The following ZMYND11 variants were observed in gnomAD, a reference collection of about 807,000 sequenced individuals.
ZMYND11 encodes the protein zinc finger MYND-type containing 11, also known as zinc finger MYND domain-containing protein 11.
Under a neutral mutation model 84.9 loss-of-function variants are expected in ZMYND11, and 9 were observed. The ratio of observed to expected loss-of-function variants is 0.11; its 90% CI spans 0.06 to 0.18. ZMYND11 has a LOEUF of 0.18. ZMYND11 is among the 10% of genes least tolerant of loss of function. ZMYND11 has a pLI of 1.00. For missense variants in ZMYND11, 409 were observed against 761.0 expected, an observed-to-expected ratio of 0.54 and a Z score of 5.44; for synonymous variants, 250 against 244.1, an observed-to-expected ratio of 1.02 and a Z score of -0.23.
At chr10:238,191 A>G (rs1478857466) in intron 6 of ZMYND11, among the ~76,000 whole-genome samples, 1 of 152,234 alleles carries the variant, frequency 6.6e-6, no homozygotes, top group Non-Finnish European at 1.5e-5. Flanking sequence ...GTCCAGTAAC[A>G]AATTGCAACA....
At chr10:161,146 T>G (rs1554761716) in intron 1 of ZMYND11, among the ~76,000 whole-genome samples, 1 of 151,832 alleles carries the variant, frequency 6.6e-6, no homozygotes, top group African/African-American at 2.4e-5. Context: ...TCTTGATCAG[T>G]GGGCTGCAGA....
intron 4 of ZMYND11, among the ~76,000 whole-genome samples, chr10:222,769 G>A (rs1030099491): frequency 6.6e-6 from 1 of 151,606 alleles, no homozygotes; most frequent in African/African-American, 2.4e-5. Flanking sequence ...CAGGAATTAG[G>A]AAATACAGCT....
intron 1 of ZMYND11, among the ~76,000 whole-genome samples, chr10:178,119 A>T (rs1347330042): frequency 6.6e-6 from 1 of 152,192 alleles, no homozygotes; most frequent in Non-Finnish European, 1.5e-5. Context: ...CCTCAGCGAG[A>T]AGTAGTGTCT....
intron 3 of ZMYND11, among the ~76,000 whole-genome samples, chr10:215,618 C>T (rs545085487): frequency 4.0e-5 from 6 of 150,918 alleles, no homozygotes; most frequent in African/African-American, 9.7e-5. Context: ...AGTACAGTGG[C>T]GCAATCATGG....
intron 2 of ZMYND11, among the ~76,000 whole-genome samples, chr10:199,738 A>G (rs938229427): frequency 6.6e-6 from 1 of 152,156 alleles, no homozygotes; most frequent in African/African-American, 2.4e-5. Flanking sequence ...CTGCCACAAC[A>G]TTGTTTTTTG....
intron 2 of ZMYND11, among the ~76,000 whole-genome samples, chr10:204,207 G>A (rs61836357): frequency 6.6e-6 from 1 of 152,070 alleles, no homozygotes; most frequent in East Asian, 1.9e-4. Flanking sequence ...ATAACCAGTT[G>A]TCCCAATGTC....
chr10:148,453 T>C (rs1839445049), intron 1 of ZMYND11: 1 of 152,280 alleles, frequency 6.6e-6, no homozygotes, highest in Admixed American at 6.5e-5. Flanking sequence ...CTTCCTTTGC[T>C]CAGGGAAGAA....
chr10:248,499 A>C lies in ZMYND11; in HGVS notation c.1391A>C (p.Gln464Pro). 6.2e-7 allele frequency: 1 copy of C among 1,614,214 alleles called. No individual in the cohort carries two copies. Among genetic ancestry groups the C allele is most frequent in the Non-Finnish European group, 8.5e-7 (1 of 1,180,050 alleles). Reference sequence around the variant, plus strand: ...CAGACCACAAACGACGGCGTGTGTCAGAGCATGTGCCATGACAAATACACC... The same window carrying C: ...CAGACCACAAACGACGGCGTGTGTCCGAGCATGTGCCATGACAAATACACC... ...STQTTNDGVC[Q>P]SMCHDKYTKI... Residue 464 changes from glutamine to proline, a missense_variant, in exon 13 of 15, where the codon CAG becomes CCG. Physicochemically the swap from Gln to Pro is moderately conservative, Grantham distance 76 (BLOSUM62 -1). Around this residue, in one of 7 missense-constraint regions of ZMYND11, gnomAD observed 141 missense variants for 173.8 expected, o/e 0.81. Coordinates refer to ENST00000381604, the MANE Select transcript of ZMYND11 (RefSeq NM_001370100.5).
chr10:184,279 GTTATGA>G (rs1193158746), intron 2 of ZMYND11, among the ~76,000 whole-genome samples: 2 of 151,866 alleles, frequency 1.3e-5, no homozygotes, highest in East Asian at 3.9e-4. Flanking sequence ...ACCATGTATA[GTTATGA>G]TTATGTTATT....
chr10:196,060 G>A (rs995377509), intron 2 of ZMYND11, among the ~76,000 whole-genome samples: 9 of 152,130 alleles, frequency 5.9e-5, no homozygotes, highest in Admixed American at 5.9e-4. Flanking sequence ...TCACAGTCAG[G>A]TCTATTGATG....
intron 5 of ZMYND11, 63 bp from the exon 6 acceptor site, chr10:237,522 G>A (rs1198494162): frequency 1.0e-6 from 1 of 984,998 alleles, no homozygotes; most frequent in East Asian, 2.5e-5. Flanking sequence ...TGAGCTTTAG[G>A]AATTGATGTC....
At chr10:187,001 G>A (rs1409969383) in intron 2 of ZMYND11, among the ~76,000 whole-genome samples, 1 of 152,106 alleles carries the variant, frequency 6.6e-6, no homozygotes, top group Non-Finnish European at 1.5e-5. Flanking sequence ...GCTGAGATTG[G>A]GGGATCGCTT....
At chr10:209,048 TATAG>T (rs967307437) in intron 2 of ZMYND11, among the ~76,000 whole-genome samples, 6 of 151,750 alleles carry the variant, frequency 4.0e-5, no homozygotes, top group Non-Finnish European at 8.8e-5. Flanking sequence ...TATATATATA[TATAG>T]AGAGAGAGAG....
chr10:249,796 T>G, intron 14 of ZMYND11: 1 of 969,364 alleles, frequency 1.0e-6, no homozygotes, highest in Non-Finnish European at 1.2e-6. Context: ...ATAAACTAAT[T>G]CTTCATTTTA....
At chr10:180,829 C>T (rs576021918) in intron 2 of ZMYND11, among the ~76,000 whole-genome samples, 1 of 152,306 alleles carries the variant, frequency 6.6e-6, no homozygotes, top group African/African-American at 2.4e-5. Flanking sequence ...AAACATCTTA[C>T]TACTTTATAG....
At chr10:222,037 T>TA (rs1171430851) in intron 4 of ZMYND11, among the ~76,000 whole-genome samples, 4 of 152,212 alleles carry the variant, frequency 2.6e-5, no homozygotes, top group African/African-American at 7.2e-5. Context: ...GGTGACTTAT[T>TA]ACATATGGCA....
In ZMYND11 at chr10:248,719, A is replaced by G. The variant is rs538641911; in HGVS notation, c.1500+111A>G. 7.8e-6 allele frequency: 11 copies of G among 1,414,600 alleles called. No individual in the cohort carries two copies. The Admixed American group carries it at 2.7e-4, about 34-fold the overall frequency. The allele number at this position is 1,414,600 out of a possible 1,614,324, so 87.6% of individuals were successfully genotyped here. A position where few individuals can be genotyped will look rare whatever the true frequency, so the allele number is the denominator to read the frequency against. On this transcript the variant is annotated intron_variant, in intron 13 of 14. Transcript: ENST00000381604. ...TAGCAGCTTTTACATGTAGCCATAT[A>G]ATGACACCAGTATCTTTTACAGCAT...
At chr10:247,077 T>C in intron 11 of ZMYND11, 104 bp downstream of exon 11, 1 of 1,220,326 alleles carries the variant, frequency 8.2e-7, no homozygotes, top group Non-Finnish European at 1.2e-6. Context: ...ACGTTCTCCT[T>C]CCCTTTTTTA....
rs1057524116 is a variant in ZMYND11 at position 236,877 on chromosome 10, A to C, written c.478A>C (p.Thr160Pro). 1.2e-6 allele frequency: 2 copies of C among 1,613,876 alleles called. No individual in the cohort carries two copies. Among genetic ancestry groups the C allele is most frequent in the Non-Finnish European group, 1.7e-6 (2 of 1,179,904 alleles). The change falls in exon 5 of 15, where the codon ACA becomes CCA. Residue 160 changes from threonine (T) to proline (P), a missense_variant. By Grantham distance (38) the Thr-to-Pro change is conservative. Coordinates refer to ENST00000381604, the MANE Select transcript of ZMYND11 (RefSeq NM_001370100.5). ...GAATACAAACAAACAGGAGATGGGCACATACCTCAGATTCATTGTCTCCCG... is the reference window on the plus strand; with the variant it reads ...GAATACAAACAAACAGGAGATGGGCCCATACCTCAGATTCATTGTCTCCCG... ...KKNTNKQEMGTYLRFIVSRMK... is the reference protein window; with the variant it reads ...KKNTNKQEMGPYLRFIVSRMK...
Sources: allele counts gnomAD v4.1 joint callset (sites outside exome capture counted in the v4.1 genomes callset), GRCh38; gene constraint gnomAD v4.1.1; regional missense constraint gnomAD v4.1.1; transcripts MANE v1.5; gene names NCBI Gene and HGNC (gene_info 2026-07-23, HGNC 2026-07-21).